Variants in ADAMTS14 observed in about 807,000 individuals in gnomAD.
The protein encoded by ADAMTS14 is A disintegrin and metalloproteinase with thrombospondin motifs 14.
ADAMTS14 carries 100 observed loss-of-function variants against 128.6 expected under a neutral mutation model. That is an observed-to-expected ratio of 0.78 (90% CI 0.66 to 0.92). The LOEUF (loss-of-function observed/expected upper bound fraction) is 0.92. Ranked by LOEUF, ADAMTS14 falls within the 40% of genes least tolerant of loss-of-function variation. The probability of loss-of-function intolerance (pLI) is 0.00; values close to 1 mark genes in which losing one functional copy is unlikely to be tolerated. For missense variants in ADAMTS14, 1,562 were observed against 1,658.6 expected (o/e 0.94, Z 1.01); for synonymous variants, 665 against 653.8 (o/e 1.02, Z -0.26).
intron 2 of ADAMTS14, among the ~76,000 whole-genome samples, chr10:70,678,257 G>A (rs1839702861): frequency 6.6e-6 from 1 of 152,224 alleles, no homozygotes; most frequent in African/African-American, 2.4e-5. Context: ...TGTGTATGCA[G>A]ATATTGTTAT....
Position 70,760,940 on chromosome 10 carries a change from G to A in ADAMTS14, c.*87G>A, listed in dbSNP as rs1019678825. 7 of 1,455,644 alleles carry A rather than the reference G, an allele frequency of 4.8e-6. No individual in the cohort carries two copies. Among genetic ancestry groups the A allele is most frequent in the Admixed American group, 5.2e-5 (2 of 38,564 alleles). 90.2% of individuals were successfully genotyped at this position (1,455,644 alleles called of 1,614,324 possible). On this transcript the variant is annotated 3_prime_UTR_variant, in exon 22 of 22. Coordinates refer to ENST00000373207, the MANE Select transcript of ADAMTS14 (RefSeq NM_080722.4). The stretch of plus-strand genomic sequence containing the variant: ...TCAGAGGACACACATAGCAGGGCAG[G>A]CGCAAGCACAGACTTCATTTTAAAT...
At chr10:70,729,944 G>C (rs868704362) in intron 5 of ADAMTS14, among the ~76,000 whole-genome samples, 158 bp from the exon 6 acceptor site, 15 of 152,224 alleles carry the variant, frequency 9.9e-5, no homozygotes, top group African/African-American at 3.6e-4. Context: ...AGGGCTGTGT[G>C]CCAGCAGCAG....
intron 4 of ADAMTS14, 51 bp from the exon 5 acceptor site, chr10:70,729,243 T>A: frequency 6.6e-7 from 1 of 1,519,670 alleles, no homozygotes; most frequent in South Asian, 1.1e-5. Context: ...TGGCATGCAG[T>A]AGGCTTGTAA....
chr10:70,717,553 G>T (rs1357300358), intron 4 of ADAMTS14, among the ~76,000 whole-genome samples: 1 of 152,166 alleles, frequency 6.6e-6, no homozygotes, highest in African/African-American at 2.4e-5. Flanking sequence ...CCCCGTGGTG[G>T]CATCCAAGGT....
At chr10:70,745,338 G>A in intron 15 of ADAMTS14, 32 bp downstream of exon 15, 1 of 1,608,888 alleles carries the variant, frequency 6.2e-7, no homozygotes, top group Non-Finnish European at 8.5e-7. Context: ...GGGGACAGCA[G>A]GGCCCCAGGC....
chr10:70,753,992 G>C lies in ADAMTS14; in HGVS notation c.2922G>C (p.Leu974=). The C allele has an allele frequency of 6.4e-7, 1 of 1,568,220 alleles. No individual in the cohort carries two copies. Among genetic ancestry groups the C allele is most frequent in the Non-Finnish European group, 8.6e-7 (1 of 1,159,408 alleles). The change falls in exon 19 of 22, where the codon CTG becomes CTC. Residue 974 remains leucine, a synonymous_variant. Transcript: ENST00000373207. ...TGCCCTGCCCAGCCCAGTGGAGGCT[G>C]GGAGCCTGGTCCCAGGTGACTTGTC... ...LRVPCPAQWR[L]GAWSQCSATC...
chr10:70,749,921 C>T lies in ADAMTS14; in HGVS notation c.2363C>T (p.Ala788Val), dbSNP rs375472897. Residue 788 changes from alanine to valine, a missense_variant, in exon 16 of 22, where the codon GCG becomes GTG. Transcript: ENST00000373207. ...FTAMGLEWEDAVEDAKESLKT... is the reference protein window; with the variant it reads ...FTAMGLEWEDVVEDAKESLKT... The stretch of plus-strand genomic sequence containing the variant: ...GCCATGGGCCTGGAGTGGGAGGATG[C>T]GGTGGAGGATGCCAAGGAAAGCCTC... 5,389 of 1,614,104 alleles carry T rather than the reference C, an allele frequency of 3.3e-3. 212 individuals carry two copies. The South Asian group carries it at 0.055, about 16-fold the overall frequency.
chr10:70,672,937 C>T (rs2132517240), intron 1 of ADAMTS14, 53 bp downstream of exon 1: 3 of 1,390,274 alleles, frequency 2.2e-6, no homozygotes, highest in South Asian at 3.2e-5. Context: ...TGCACGCGGT[C>T]AGGGTGGCCC....
Position 70,736,749 on chromosome 10 carries a change from A to G in ADAMTS14, c.1555A>G (p.Lys519Glu). 6.2e-7 allele frequency: 1 copy of G among 1,613,766 alleles called. No individual in the cohort carries two copies. Among genetic ancestry groups the G allele is most frequent in the Non-Finnish European group, 8.5e-7 (1 of 1,179,780 alleles). Residue 519 changes from lysine (K) to glutamate (E), a missense_variant, in exon 10 of 22, where the codon AAG becomes GAG. Coordinates refer to ENST00000373207, the MANE Select transcript of ADAMTS14 (RefSeq NM_080722.4). ...HPDNPYFCKT[K>E]KGPPLDGTEC... ...TGACAACCCGTACTTCTGCAAGACCAAGAAGGGGCCCCCGCTGGATGGGAC... is the reference window on the plus strand; with the variant it reads ...TGACAACCCGTACTTCTGCAAGACCGAGAAGGGGCCCCCGCTGGATGGGAC...
intron 2 of ADAMTS14, among the ~76,000 whole-genome samples, chr10:70,701,274 A>T (rs1840484582): frequency 6.6e-6 from 1 of 152,206 alleles, no homozygotes; most frequent in Admixed American, 6.5e-5. Context: ...TCAAATGGAG[A>T]AGGTCTAGTG....
chr10:70,761,077 C>T lies in ADAMTS14; in HGVS notation c.*224C>T, dbSNP rs1459247636. ...ATCGGAGATACCTCAGCAAGCTGCCCCCGGCGGGACTGACCCTCTCAGGGC... is the reference window on the plus strand; with the variant it reads ...ATCGGAGATACCTCAGCAAGCTGCCTCCGGCGGGACTGACCCTCTCAGGGC... On this transcript the variant is annotated 3_prime_UTR_variant, in exon 22 of 22. Transcript: ENST00000373207. 8.0e-6 allele frequency: 5 copies of T among 625,196 alleles called. No homozygotes were observed. Among genetic ancestry groups the T allele is most frequent in the Non-Finnish European group, 7.5e-6 (3 of 397,784 alleles). 38.7% of individuals were successfully genotyped at this position (625,196 alleles called of 1,614,324 possible). A position where few individuals can be genotyped will look rare whatever the true frequency, so the allele number is the denominator to read the frequency against.
intron 2 of ADAMTS14, among the ~76,000 whole-genome samples, chr10:70,681,343 G>A (rs1839795852): frequency 1.3e-5 from 2 of 152,190 alleles, no homozygotes; most frequent in African/African-American, 4.8e-5. Flanking sequence ...AGTGAGAATT[G>A]TAGTCATTCT....
intron 2 of ADAMTS14, among the ~76,000 whole-genome samples, chr10:70,701,276 G>A (rs1279629431): frequency 6.6e-6 from 1 of 152,186 alleles, no homozygotes; most frequent in Admixed American, 6.5e-5. Flanking sequence ...AAATGGAGAA[G>A]GTCTAGTGAA....
chr10:70,744,524 C>T (rs1842114971), intron 14 of ADAMTS14, among the ~76,000 whole-genome samples: 1 of 152,200 alleles, frequency 6.6e-6, no homozygotes, highest in South Asian at 2.1e-4. Flanking sequence ...AAAGGTGTAG[C>T]CAAGACTGGA....
intron 21 of ADAMTS14, among the ~76,000 whole-genome samples, chr10:70,759,470 C>T (rs925925270): frequency 6.6e-6 from 1 of 152,124 alleles, no homozygotes; most frequent in Non-Finnish European, 1.5e-5. Flanking sequence ...TTGGGCAAAG[C>T]AAACTAGTGT....
intron 2 of ADAMTS14, among the ~76,000 whole-genome samples, chr10:70,691,201 T>G (rs1023792298): frequency 3.5e-5 from 5 of 144,044 alleles, no homozygotes; most frequent in African/African-American, 1.2e-4. Context: ...CTTTAAGAAC[T>G]TCAAGCTTTT....
At chr10:70,679,559 G>A (rs1218603872) in intron 2 of ADAMTS14, among the ~76,000 whole-genome samples, 7 of 152,196 alleles carry the variant, frequency 4.6e-5, no homozygotes, top group African/African-American at 1.4e-4. Flanking sequence ...TGCTCACTGT[G>A]CCCATCTAGA....
chr10:70,745,549 C>A (rs1409348269), intron 15 of ADAMTS14: 3 of 539,242 alleles, frequency 5.6e-6, no homozygotes, highest in South Asian at 2.0e-5. Context: ...TACCCCTGTA[C>A]CCTGGGGGCA....
chr10:70,705,035 TCAAA>T (rs1840617734), intron 3 of ADAMTS14, among the ~76,000 whole-genome samples: 1 of 151,888 alleles, frequency 6.6e-6, no homozygotes, highest in Non-Finnish European at 1.5e-5. Flanking sequence ...TCGCACACTC[TCAAA>T]CACACTCATA....
Sources: gnomAD v4.1 joint callset for allele counts (sites outside exome capture counted in the v4.1 genomes callset) on GRCh38, gnomAD v4.1.1 for gene constraint, MANE v1.5 for transcripts, NCBI Gene and HGNC (gene_info 2026-07-23, HGNC 2026-07-21) for gene names.